Variants in EREG observed in about 807,000 individuals in gnomAD.
The protein encoded by EREG is proepiregulin.
EREG carries 23 observed loss-of-function variants against 22.4 expected under a neutral mutation model. The ratio of observed to expected loss-of-function variants is 1.03; its 90% CI spans 0.74 to 1.46. The LOEUF is 1.46. EREG is among the 40% of genes most tolerant of loss of function. The pLI is 0.00. For synonymous variants in EREG, 100 were observed against 75.4 expected (o/e 1.33, Z -1.69); for missense variants, 226 against 205.9 (o/e 1.10, Z -0.60).
At position 74,365,384 on chromosome 4, in the gene EREG, TC is replaced by T. The variant is rs769611438; in HGVS notation, c.67+14del. The T allele has an allele frequency of 1.7e-5, 27 of 1,611,266 alleles. No individual in the cohort carries two copies. The highest frequency in any genetic ancestry group is 2.3e-5 in the Non-Finnish European group (27 of 1,179,488). ...GCTGCTGCTCTGCCTGGGTAAGTTC[TC>T]CCCCTCTGGCTTCCGGCCGCCCCAA... On this transcript the variant is annotated intron_variant, in intron 1 of 4. Transcript: ENST00000244869.
chr4:74,382,524 C>A, intron 3 of EREG, 121 bp from the exon 4 acceptor site: 1 of 716,140 alleles, frequency 1.4e-6, no homozygotes, highest in Non-Finnish European at 2.3e-6. Context: ...TCTTTACAAT[C>A]TTTAGCAAAT....
chr4:74,371,018 C>G (rs1304454527), intron 1 of EREG, among the ~76,000 whole-genome samples: 1 of 152,014 alleles, frequency 6.6e-6, no homozygotes, highest in Non-Finnish European at 1.5e-5. Flanking sequence ...TAGCAGCAAC[C>G]CTGGTCTCTA....
rs1322702017 is a variant in EREG, at chr4:74,379,552, A to C, written c.154+18A>C. 1 of 1,425,320 alleles carries C rather than the reference A, an allele frequency of 7.0e-7. No homozygotes were observed. The highest frequency in any genetic ancestry group is 9.9e-7 in the Non-Finnish European group (1 of 1,008,674). 88.3% of individuals were successfully genotyped at this position (1,425,320 alleles called of 1,614,324 possible). A position where few individuals can be genotyped will look rare whatever the true frequency, so the allele number is the denominator to read the frequency against. The stretch of plus-strand genomic sequence containing the variant: ...AGCTTTAGGTAAGCCCAAGTTTGTC[A>C]ATGTGGCATCAAGAGACTACATATT... On this transcript the variant is annotated intron_variant, in intron 2 of 4. Coordinates refer to ENST00000244869, the MANE Select transcript of EREG (RefSeq NM_001432.3).
intron 2 of EREG, among the ~76,000 whole-genome samples, chr4:74,380,747 C>G (rs1041080933): frequency 6.6e-6 from 1 of 152,110 alleles, no homozygotes; most frequent in African/African-American, 2.4e-5. Context: ...CCTTCTCTAC[C>G]CTTACAGGTT....
chr4:74,367,649 A>G (rs1299847317), intron 1 of EREG, among the ~76,000 whole-genome samples: 1 of 152,246 alleles, frequency 6.6e-6, no homozygotes, highest in African/African-American at 2.4e-5. Flanking sequence ...TGAGGAGCAT[A>G]AATCTCAATG....
chr4:74,369,651 T>G (rs1005486253), intron 1 of EREG, among the ~76,000 whole-genome samples: 1 of 152,168 alleles, frequency 6.6e-6, no homozygotes, highest in Admixed American at 6.5e-5. Context: ...ATTTGAGGCA[T>G]GAAAGTGATT....
intron 1 of EREG, among the ~76,000 whole-genome samples, chr4:74,378,703 A>T (rs1266328812): frequency 6.6e-6 from 1 of 152,194 alleles, no homozygotes; most frequent in African/African-American, 2.4e-5. Context: ...TGAAATTACA[A>T]GGGTTCTTCT....
chr4:74,381,820 CAA>C (rs574111716), intron 3 of EREG: 1,461 of 135,654 alleles, frequency 0.011, 30 homozygotes, highest in African/African-American at 0.033. Context: ...ACTAAAAATA[CAA>C]AAAAAAAAAA....
intron 1 of EREG, among the ~76,000 whole-genome samples, chr4:74,378,473 T>A (rs1357318137): frequency 6.6e-6 from 1 of 152,146 alleles, no homozygotes; most frequent in Non-Finnish European, 1.5e-5. Context: ...TATGTCTAAT[T>A]TTTTTCAAAT....
rs1752608164 is a variant in EREG, at chr4:74,388,404, T to C, written c.*3596T>C. The C allele has an allele frequency of 6.6e-6, 1 of 152,554 alleles. No individual in the cohort carries two copies. The highest frequency in any genetic ancestry group is 2.1e-4 in the South Asian group (1 of 4,834). The allele number at this position is 152,554 out of a possible 1,614,324, so 9.5% of individuals were successfully genotyped here. On this transcript the variant is annotated 3_prime_UTR_variant, in exon 5 of 5. Coordinates refer to ENST00000244869, the MANE Select transcript of EREG (RefSeq NM_001432.3). Reference sequence around the variant, plus strand: ...TTAAATATCTGTTATTCAAATTTGATGATGTTAAATGTAATATAATGTATT... The same window carrying C: ...TTAAATATCTGTTATTCAAATTTGACGATGTTAAATGTAATATAATGTATT...
rs1752585212 is a variant in EREG, at chr4:74,387,313, G to A, written c.*2505G>A. 1 of 151,884 alleles carries A rather than the reference G, an allele frequency of 6.6e-6. No homozygotes were observed. The highest frequency in any genetic ancestry group is 1.9e-4 in the East Asian group (1 of 5,170). The allele number at this position is 151,884 out of a possible 1,614,324, so 9.4% of individuals were successfully genotyped here. On this transcript the variant is annotated 3_prime_UTR_variant, in exon 5 of 5. Transcript: ENST00000244869. The stretch of plus-strand genomic sequence containing the variant: ...TGTGAGGAGAGTCTGAATATTTTCA[G>A]TGATCTTGGCTGTTTCAAAAAAATC...
chr4:74,373,245 G>A (rs1368626844), intron 1 of EREG, among the ~76,000 whole-genome samples: 1 of 151,802 alleles, frequency 6.6e-6, no homozygotes, highest in Non-Finnish European at 1.5e-5. Flanking sequence ...TTTAAGTATA[G>A]CATTGTATGA....
intron 4 of EREG, 53 bp from the exon 5 acceptor site, chr4:74,384,674 G>T (rs920405963): frequency 2.0e-6 from 2 of 1,022,060 alleles, no homozygotes; most frequent in East Asian, 2.4e-5. Flanking sequence ...TAACACACTT[G>T]TTCCTTTGCT....
chr4:74,374,515 C>T (rs1752345471), intron 1 of EREG, among the ~76,000 whole-genome samples: 1 of 151,948 alleles, frequency 6.6e-6, no homozygotes, highest in Non-Finnish European at 1.5e-5. Context: ...CCAGTCTGGG[C>T]AAATGAGTAA....
At chr4:74,376,280 T>G (rs1443882131) in intron 1 of EREG, among the ~76,000 whole-genome samples, 1 of 152,134 alleles carries the variant, frequency 6.6e-6, no homozygotes, top group Non-Finnish European at 1.5e-5. Flanking sequence ...GCTTCAAATG[T>G]GCATTTTTTT....
intron 1 of EREG, among the ~76,000 whole-genome samples, chr4:74,376,392 G>A (rs1752383167): frequency 6.6e-6 from 1 of 152,138 alleles, no homozygotes; most frequent in Admixed American, 6.5e-5. Flanking sequence ...AAGGATGTAA[G>A]CACGTGCAAC....
chr4:74,382,382 T>C, intron 3 of EREG: 1 of 336,950 alleles, frequency 3.0e-6, no homozygotes, highest in Non-Finnish European at 5.4e-6. Context: ...CCTGTACAAC[T>C]TACAAAACAC....
At chr4:74,365,818 C>T (rs75590194) in intron 1 of EREG, among the ~76,000 whole-genome samples, 1 of 152,108 alleles carries the variant, frequency 6.6e-6, no homozygotes, top group African/African-American at 2.4e-5. Flanking sequence ...CTTTTCTCCT[C>T]TGTCTTGCGC....
rs1232290514 is a variant in EREG at position 74,386,066 on chromosome 4, A to G, written c.*1258A>G. The G allele has an allele frequency of 2.0e-5, 7 of 346,216 alleles. No homozygotes were observed. Among genetic ancestry groups the G allele is most frequent in the Non-Finnish European group, 3.6e-5 (7 of 192,718 alleles). 21.4% of individuals were successfully genotyped at this position (346,216 alleles called of 1,614,324 possible). On this transcript the variant is annotated 3_prime_UTR_variant, in exon 5 of 5. Transcript: ENST00000244869. ...GACATTTGTTTATTTTTTGGAAGAG[A>G]CAAAGATTTCTTCTGCACTCTGAGC...
Sources: allele counts gnomAD v4.1 joint callset (sites outside exome capture counted in the v4.1 genomes callset), GRCh38; gene constraint gnomAD v4.1.1; transcripts MANE v1.5; gene names NCBI Gene and HGNC (gene_info 2026-07-23, HGNC 2026-07-21).